Variants in AGBL4 observed in about 807,000 individuals in gnomAD.
AGBL4 encodes the protein AGBL carboxypeptidase 4, also known as cytosolic carboxypeptidase 6.
Under a neutral mutation model 66.4 loss-of-function variants are expected in AGBL4, and 58 were observed. That is an observed-to-expected ratio of 0.87 (90% confidence interval 0.71 to 1.09). AGBL4 has a LOEUF of 1.09. AGBL4 is among the 50% of genes least tolerant of loss of function. AGBL4 has a pLI of 0.00. For missense variants in AGBL4, 579 were observed against 631.0 expected (o/e 0.92, Z 0.88); for synonymous variants, 234 against 222.9 (o/e 1.05, Z -0.44).
At chr1:48,996,878 T>C (rs1661054063) in intron 5 of AGBL4, among the ~76,000 whole-genome samples, 1 of 139,918 alleles carries the variant, frequency 7.1e-6, no homozygotes, top group Non-Finnish European at 1.5e-5. Flanking sequence ...TATATAAAGA[T>C]ATAAAATATT....
chr1:49,015,580 G>A (rs965810827), intron 5 of AGBL4, among the ~76,000 whole-genome samples: 1 of 151,750 alleles, frequency 6.6e-6, no homozygotes, highest in Non-Finnish European at 1.5e-5. Flanking sequence ...CCGCCACCAC[G>A]CCTGGCTAAT....
At chr1:49,934,944 C>A (rs1223489508) in intron 1 of AGBL4, among the ~76,000 whole-genome samples, 1 of 152,170 alleles carries the variant, frequency 6.6e-6, no homozygotes. Context: ...ATCTGAGGCA[C>A]CGGGTTCATC....
chr1:48,763,633 A>G (rs1402944009), intron 6 of AGBL4, among the ~76,000 whole-genome samples: 2 of 152,324 alleles, frequency 1.3e-5, no homozygotes, highest in South Asian at 2.1e-4. Context: ...AGAGCCACCA[A>G]TTAGAAATGA....
At chr1:48,890,107 A>C (rs1352615821) in intron 5 of AGBL4, among the ~76,000 whole-genome samples, 1 of 151,992 alleles carries the variant, frequency 6.6e-6, no homozygotes, top group Admixed American at 6.6e-5. Flanking sequence ...TAGAAGCAGA[A>C]TCACCCACAG....
intron 3 of AGBL4, among the ~76,000 whole-genome samples, chr1:49,527,805 C>A (rs1650788067): frequency 6.6e-6 from 1 of 152,084 alleles, no homozygotes; most frequent in Admixed American, 6.5e-5. Flanking sequence ...AGCTTTGCTT[C>A]AACCTAGAAA....
chr1:48,689,220 A>AG (rs1481567590), intron 6 of AGBL4, among the ~76,000 whole-genome samples: 4 of 133,920 alleles, frequency 3.0e-5, no homozygotes. Flanking sequence ...AAAAAAAAAA[A>AG]AAAGAAAAGA....
At chr1:49,640,515 C>T (rs1202011116) in intron 3 of AGBL4, among the ~76,000 whole-genome samples, 3 of 152,162 alleles carry the variant, frequency 2.0e-5, no homozygotes, top group African/African-American at 7.2e-5. Context: ...ATCTTGCTGG[C>T]TGTACTTCCT....
chr1:49,112,086 T>C (rs1645423446), intron 4 of AGBL4, among the ~76,000 whole-genome samples: 1 of 152,216 alleles, frequency 6.6e-6, no homozygotes, highest in African/African-American at 2.4e-5. Flanking sequence ...TCTACTTAGT[T>C]AAAATTTTAA....
chr1:49,705,084 T>C lies in AGBL4; in HGVS notation c.158-7647A>G, dbSNP rs150069102. Among the ~76,000 whole-genome samples, 169 of 152,310 alleles carry C rather than the reference T, an allele frequency of 1.1e-3. 4 individuals carry two copies. In the South Asian group the frequency reaches 0.02, roughly 18 times the overall value. On this transcript the variant is annotated intron_variant, in intron 2 of 13. Coordinates refer to ENST00000371839, the MANE Select transcript of AGBL4 (RefSeq NM_032785.4). ...CATGGAATGTTTTTCCACTCGTTTG[T>C]GTCCTCTCTTATTTCCTTGAGCAGT...
chr1:48,921,108 G>A (rs140883419), intron 5 of AGBL4, among the ~76,000 whole-genome samples: 172 of 152,268 alleles, frequency 1.1e-3, no homozygotes, highest in African/African-American at 3.8e-3. Flanking sequence ...GCAGGCCCGA[G>A]TCATCAATTT....
intron 4 of AGBL4, among the ~76,000 whole-genome samples, chr1:49,233,976 G>A (rs2148302682): frequency 6.6e-6 from 1 of 152,170 alleles, no homozygotes; most frequent in Admixed American, 6.5e-5. Context: ...CTCCCATGTG[G>A]GCTGTTTCTA....
chr1:49,211,676 A>G (rs1237871071), intron 4 of AGBL4, among the ~76,000 whole-genome samples: 2 of 152,088 alleles, frequency 1.3e-5, no homozygotes, highest in Non-Finnish European at 2.9e-5. Context: ...AGAAGCTCTC[A>G]GTGTAGTAGG....
chr1:49,283,594 C>G (rs1383021362), intron 3 of AGBL4, among the ~76,000 whole-genome samples: 1 of 152,022 alleles, frequency 6.6e-6, no homozygotes, highest in Non-Finnish European at 1.5e-5. Flanking sequence ...AAATTCAAAC[C>G]AAAGGCAAAT....
intron 3 of AGBL4, among the ~76,000 whole-genome samples, chr1:49,425,177 T>TA (rs56935361): frequency 6.6e-6 from 1 of 152,296 alleles, no homozygotes; most frequent in African/African-American, 2.4e-5. Context: ...GAAAACTTGA[T>TA]AAAGTTTCCT....
At chr1:49,057,845 C>A (rs978724094) in intron 4 of AGBL4, among the ~76,000 whole-genome samples, 1 of 151,974 alleles carries the variant, frequency 6.6e-6, no homozygotes, top group African/African-American at 2.4e-5. Flanking sequence ...TATGATGGTA[C>A]CTGAAACATG....
At chr1:48,940,072 C>G (rs1655828600) in intron 5 of AGBL4, among the ~76,000 whole-genome samples, 1 of 152,158 alleles carries the variant, frequency 6.6e-6, no homozygotes, top group Non-Finnish European at 1.5e-5. Context: ...TCCAGGAACC[C>G]TTGGTGACTG....
At chr1:48,762,076 G>A (rs981844203) in intron 6 of AGBL4, among the ~76,000 whole-genome samples, 2 of 152,160 alleles carry the variant, frequency 1.3e-5, no homozygotes, top group African/African-American at 4.8e-5. Flanking sequence ...AGGGACCTCA[G>A]TGAACAAGTG....
intron 6 of AGBL4, among the ~76,000 whole-genome samples, chr1:48,782,073 G>A (rs541277455): frequency 2.6e-5 from 4 of 152,338 alleles, no homozygotes; most frequent in African/African-American, 9.6e-5. Flanking sequence ...AGCCCTGGAA[G>A]GCTTGTGGTT....
At chr1:48,777,288 CT>C (rs1349508716) in intron 6 of AGBL4, among the ~76,000 whole-genome samples, 1 of 152,036 alleles carries the variant, frequency 6.6e-6, no homozygotes, top group African/African-American at 2.4e-5. Context: ...TGCAACAAAA[CT>C]GCATTGCCAA....
Sources: allele counts gnomAD v4.1 joint callset (sites outside exome capture counted in the v4.1 genomes callset), GRCh38; gene constraint gnomAD v4.1.1; transcripts MANE v1.5; gene names NCBI Gene and HGNC (gene_info 2026-07-23, HGNC 2026-07-21).